Variants in GRIN2B observed in about 807,000 individuals in gnomAD.
GRIN2B encodes glutamate ionotropic receptor NMDA type subunit 2B.
GRIN2B carries 5 observed loss-of-function variants against 114.5 expected under a neutral mutation model. The observed-to-expected ratio is 0.04, with a 90% CI of 0.02 to 0.09. The LOEUF is 0.09. Ranked by LOEUF, GRIN2B falls within the 10% of genes least tolerant of loss-of-function variation. GRIN2B has a pLI of 1.00. For synonymous variants in GRIN2B, 787 were observed against 745.1 expected, an observed-to-expected ratio of 1.06 and a Z score of -0.92; for missense variants, 1,108 against 1,943.5, an observed-to-expected ratio of 0.57 and a Z score of 8.08.
intron 4 of GRIN2B, among the ~76,000 whole-genome samples, chr12:13,751,959 T>C (rs984163747): frequency 3.3e-5 from 5 of 152,086 alleles, no homozygotes; most frequent in Non-Finnish European, 7.4e-5. Context: ...CAAGACAATC[T>C]GTGCCAAGCA....
At position 13,567,362 on chromosome 12, in the gene GRIN2B, T is replaced by A. The variant is rs1031331726; in HGVS notation, c.2360-99A>T. 4 of 782,302 alleles carry A rather than the reference T, an allele frequency of 5.1e-6. No individual in the cohort carries two copies. In the African/African-American group the frequency reaches 6.9e-5, roughly 14 times the overall value. The allele number at this position is 782,302 out of a possible 1,614,324, so 48.5% of individuals were successfully genotyped here. A position where few individuals can be genotyped will look rare whatever the true frequency, so the allele number is the denominator to read the frequency against. On this transcript the variant is annotated intron_variant, in intron 12 of 13. Coordinates refer to ENST00000609686, the MANE Select transcript of GRIN2B (RefSeq NM_000834.5). ...GAGTATTGAGCAAGAAAGAGAAAGA[T>A]ACGTGACAGAAAAAGAGACAAGGAG...
At chr12:13,790,113 A>G (rs1277145844) in intron 3 of GRIN2B, among the ~76,000 whole-genome samples, 1 of 152,216 alleles carries the variant, frequency 6.6e-6, no homozygotes, top group Non-Finnish European at 1.5e-5. Context: ...AATATCCTTC[A>G]GTACAGGCCT....
chr12:13,976,070 C>T (rs1041881947), intron 2 of GRIN2B, among the ~76,000 whole-genome samples: 15 of 152,200 alleles, frequency 9.9e-5, no homozygotes, highest in Admixed American at 2.0e-4. Flanking sequence ...GTGTAATGGC[C>T]GCAGGCACCA....
At chr12:13,768,533 A>G (rs922720622) in intron 3 of GRIN2B, among the ~76,000 whole-genome samples, 10 of 152,302 alleles carry the variant, frequency 6.6e-5, no homozygotes, top group Middle Eastern at 3.4e-3. Flanking sequence ...AAAGCAAAGA[A>G]CCCAAGATCT....
At chr12:13,787,087 A>G (rs1263994633) in intron 3 of GRIN2B, among the ~76,000 whole-genome samples, 3 of 152,190 alleles carry the variant, frequency 2.0e-5, no homozygotes, top group Non-Finnish European at 4.4e-5. Flanking sequence ...TCTTTTTAAA[A>G]TTGTTTTTTC....
intron 2 of GRIN2B, among the ~76,000 whole-genome samples, 175 bp downstream of exon 2, chr12:13,979,753 G>GA (rs1375302611): frequency 6.6e-6 from 1 of 151,934 alleles, no homozygotes; most frequent in Admixed American, 6.5e-5. Flanking sequence ...AGAAGAAAAA[G>GA]AAAAAACATG....
At chr12:13,909,230 G>A (rs375504556) in intron 2 of GRIN2B, among the ~76,000 whole-genome samples, 46 of 152,288 alleles carry the variant, frequency 3.0e-4, no homozygotes, top group African/African-American at 1.1e-3. Flanking sequence ...CTGCTTACAT[G>A]TATAGAAGAT....
intron 3 of GRIN2B, among the ~76,000 whole-genome samples, chr12:13,787,004 T>C (rs1214286673): frequency 6.6e-6 from 1 of 152,182 alleles, no homozygotes; most frequent in East Asian, 1.9e-4. Flanking sequence ...CAAGGAACCT[T>C]TGATAGACAG....
At position 13,564,061 on chromosome 12, in the gene GRIN2B, A is replaced by G. The variant is rs200621414; in HGVS notation, c.3177T>C (p.Asp1059=). The G allele has an allele frequency of 6.8e-6, 11 of 1,614,232 alleles. No individual in the cohort carries two copies. The South Asian group carries it at 7.7e-5, about 11-fold the overall frequency. The change falls in exon 14 of 14, where the codon GAT becomes GAC. Residue 1059 remains aspartate (D), a synonymous_variant. Coordinates refer to ENST00000609686, the MANE Select transcript of GRIN2B (RefSeq NM_000834.5). The surrounding 1 kb of genome is among the most constrained non-coding windows in gnomAD (Gnocchi z 4.8). The stretch of plus-strand genomic sequence containing the variant: ...CGGTGTGGGTTGAGATGTCAGAGAC[A>G]TCGGAGCGGATCAAGTCGTCGTGGC... ...YSGHDDLIRS[D]VSDISTHTVT... is the part of the protein sequence containing the mutation.
chr12:13,574,438 A>ATGAC (rs1316735606), intron 10 of GRIN2B, among the ~76,000 whole-genome samples: 7 of 152,256 alleles, frequency 4.6e-5, no homozygotes, highest in Non-Finnish European at 7.3e-5. Context: ...GATGTTTATA[A>ATGAC]TGACTAAGAT....
chr12:13,931,577 T>C lies in GRIN2B; in HGVS notation c.-19+48351A>G, dbSNP rs75328352. Among the ~76,000 whole-genome samples, 492 of 150,092 alleles carry C rather than the reference T, an allele frequency of 3.3e-3. 2 individuals are homozygous for C. Among genetic ancestry groups the C allele is most frequent in the Middle Eastern group, 0.02 (6 of 294 alleles). Reference sequence around the variant, plus strand: ...TCCATGGCGTTAAATACCATCTCTATGCTGACAGCTCCCAAGCTGATATGT... The same window carrying C: ...TCCATGGCGTTAAATACCATCTCTACGCTGACAGCTCCCAAGCTGATATGT... On this transcript the variant is annotated intron_variant, in intron 2 of 13. Transcript: ENST00000609686.
At chr12:13,777,212 TAAAG>T (rs1864021922) in intron 3 of GRIN2B, among the ~76,000 whole-genome samples, 1 of 151,982 alleles carries the variant, frequency 6.6e-6, no homozygotes, top group African/African-American at 2.4e-5. Flanking sequence ...ACACAGAAAA[TAAAG>T]AGTTAAAAAT....
intron 2 of GRIN2B, among the ~76,000 whole-genome samples, chr12:13,975,388 G>A (rs7134291): frequency 0.2 from 30,160 of 152,218 alleles, 3,891 homozygotes; most frequent in Non-Finnish European, 0.28. Context: ...AAAATCCACA[G>A]ATAACTCTGC....
At chr12:13,814,245 T>C (rs1864780037) in intron 3 of GRIN2B, among the ~76,000 whole-genome samples, 1 of 152,130 alleles carries the variant, frequency 6.6e-6, no homozygotes, top group Admixed American at 6.5e-5. Flanking sequence ...CGTGTTAGAG[T>C]ATTCCTCAGT....
intron 2 of GRIN2B, among the ~76,000 whole-genome samples, chr12:13,885,575 A>T (rs1866141852): frequency 6.6e-6 from 1 of 152,118 alleles, no homozygotes; most frequent in Admixed American, 6.6e-5. Context: ...CCTATAATCC[A>T]AATCCTGGTC....
At chr12:13,744,877 G>C (rs1455577586) in intron 4 of GRIN2B, among the ~76,000 whole-genome samples, 1 of 152,160 alleles carries the variant, frequency 6.6e-6, no homozygotes, top group Non-Finnish European at 1.5e-5. Context: ...TCTCTTGCTA[G>C]CTCCTGCCAC....
At chr12:13,956,131 C>A (rs1867586484) in intron 2 of GRIN2B, among the ~76,000 whole-genome samples, 1 of 152,154 alleles carries the variant, frequency 6.6e-6, no homozygotes, top group African/African-American at 2.4e-5. Context: ...TGACCAAAGG[C>A]AGGAACGGCC....
chr12:13,943,343 C>G (rs1444183944), intron 2 of GRIN2B, among the ~76,000 whole-genome samples: 2 of 152,120 alleles, frequency 1.3e-5, no homozygotes, highest in African/African-American at 4.8e-5. Context: ...AACTTCACAT[C>G]TGAAATGGAA....
chr12:13,870,927 T>C (rs1310571432), intron 2 of GRIN2B, among the ~76,000 whole-genome samples: 1 of 152,184 alleles, frequency 6.6e-6, no homozygotes, highest in Non-Finnish European at 1.5e-5. Flanking sequence ...AGTGGTAGTA[T>C]CTATCGAAAT....
Sources: allele counts gnomAD v4.1 joint callset (sites outside exome capture counted in the v4.1 genomes callset), GRCh38; gene constraint gnomAD v4.1.1; non-coding constraint Gnocchi (gnomAD v3.1); transcripts MANE v1.5; gene names NCBI Gene and HGNC (gene_info 2026-07-23, HGNC 2026-07-21).